The following PLCE1 variants were observed in gnomAD, a reference collection of about 807,000 sequenced individuals.
PLCE1 encodes phospholipase C epsilon 1.
Under a neutral mutation model 242.8 loss-of-function variants are expected in PLCE1, and 119 were observed. The ratio of observed to expected loss-of-function variants is 0.49; its 90% CI spans 0.42 to 0.57. The LOEUF (loss-of-function observed/expected upper bound fraction) is 0.57. PLCE1 is among the 20% of genes least tolerant of loss of function. The probability of loss-of-function intolerance (pLI) is 0.00; values close to 1 mark genes in which losing one functional copy is unlikely to be tolerated. For synonymous variants in PLCE1, 945 were observed against 1,017.4 expected, an observed-to-expected ratio of 0.93 and a Z score of 1.35; for missense variants, 2,441 against 2,788.8, an observed-to-expected ratio of 0.88 and a Z score of 2.81.
At position 94,171,304 on chromosome 10, in the gene PLCE1, G is replaced by C. The variant is rs751551290; in HGVS notation, c.1617G>C (p.Leu539=). 4 of 1,614,186 alleles carry C rather than the reference G, an allele frequency of 2.5e-6. No individual in the cohort carries two copies. The South Asian group carries it at 4.4e-5, about 18-fold the overall frequency. The part of the protein sequence containing the change: ...IQFPEEVASI[L]MEQEQTIYRR... ...TCCCAGAGGAAGTCGCCAGCATCCT[G>C]ATGGAGCAAGAGCAGACTATTTACC... The change falls in exon 4 of 33, where the codon CTG becomes CTC. Residue 539 remains leucine (L), a synonymous_variant. Transcript: ENST00000371380.
intron 2 of PLCE1, among the ~76,000 whole-genome samples, chr10:94,114,919 T>A (rs371593790): frequency 6.6e-6 from 1 of 151,426 alleles, no homozygotes; most frequent in Non-Finnish European, 1.5e-5. Context: ...CCTCCCCCCT[T>A]CCCCCATCCC....
intron 4 of PLCE1, among the ~76,000 whole-genome samples, chr10:94,171,771 A>C (rs966040961): frequency 3.3e-5 from 5 of 152,008 alleles, no homozygotes; most frequent in Admixed American, 2.0e-4. Flanking sequence ...GGGCACCCAG[A>C]ATGCCAATCT....
intron 2 of PLCE1, chr10:94,108,398 G>A (rs2045833629): frequency 6.6e-6 from 1 of 152,226 alleles, no homozygotes; most frequent in South Asian, 2.1e-4. Flanking sequence ...TGGGCTGTGA[G>A]TCAGAAGACA....
intron 3 of PLCE1, among the ~76,000 whole-genome samples, chr10:94,143,373 A>C (rs1300673303): frequency 6.6e-6 from 1 of 152,244 alleles, no homozygotes; most frequent in Non-Finnish European, 1.5e-5. Flanking sequence ...TGACTTACTC[A>C]TTACAATAAA....
At position 94,293,648 on chromosome 10, in the gene PLCE1, A is replaced by G; in HGVS notation, c.5167+9A>G. 1 of 1,613,074 alleles carries G rather than the reference A, an allele frequency of 6.2e-7. No homozygotes were observed. The highest frequency in any genetic ancestry group is 1.3e-5 in the African/African-American group (1 of 75,014). ...CAAAACATCTGGAAAAAGTAAAGTCACTTTCTTACAATATCTTTGCTTGAT... is the reference window on the plus strand; with the variant it reads ...CAAAACATCTGGAAAAAGTAAAGTCGCTTTCTTACAATATCTTTGCTTGAT... On this transcript the variant is annotated intron_variant, in intron 23 of 32. Coordinates refer to ENST00000371380, the MANE Select transcript of PLCE1 (RefSeq NM_016341.4).
At chr10:94,182,265 T>TGTTTA (rs1404169824) in intron 4 of PLCE1, among the ~76,000 whole-genome samples, 6 of 151,858 alleles carry the variant, frequency 4.0e-5, no homozygotes, top group African/African-American at 1.5e-4. Context: ...CTTCATTTCT[T>TGTTTA]TTTTATTTTA....
At chr10:94,117,828 GACA>G (rs753593657) in intron 2 of PLCE1, among the ~76,000 whole-genome samples, 6 of 152,184 alleles carry the variant, frequency 3.9e-5, no homozygotes, top group Non-Finnish European at 7.3e-5. Flanking sequence ...CAAAGTGAAG[GACA>G]ACATTATTTC....
At chr10:94,252,879 T>C (rs967392627) in intron 9 of PLCE1, among the ~76,000 whole-genome samples, 2 of 151,848 alleles carry the variant, frequency 1.3e-5, no homozygotes, top group Admixed American at 6.6e-5. Context: ...GCAAAGAACA[T>C]AGGAGAAAGT....
intron 4 of PLCE1, among the ~76,000 whole-genome samples, chr10:94,202,259 T>G (rs1440764338): frequency 6.6e-6 from 1 of 152,176 alleles, no homozygotes; most frequent in Admixed American, 6.5e-5. Flanking sequence ...CCCGTATTCC[T>G]TTTATCAACT....
intron 7 of PLCE1, among the ~76,000 whole-genome samples, 167 bp downstream of exon 7, chr10:94,236,287 C>G (rs2050321855): frequency 6.6e-6 from 1 of 152,068 alleles, no homozygotes; most frequent in South Asian, 2.1e-4. Flanking sequence ...TCCAAATTCA[C>G]ATTTACCTTT....
At chr10:94,211,965 A>G (rs1005599826) in intron 4 of PLCE1, among the ~76,000 whole-genome samples, 2 of 151,624 alleles carry the variant, frequency 1.3e-5, no homozygotes, top group African/African-American at 4.8e-5. Context: ...TGTTCCTTTG[A>G]AAAAAAAATT....
At chr10:94,225,491 G>A (rs2049908461) in intron 4 of PLCE1, 1 of 152,224 alleles carries the variant, frequency 6.6e-6, no homozygotes, top group African/African-American at 2.4e-5. Flanking sequence ...TGGCCAACAT[G>A]GTGAAACCCA....
chr10:94,049,103 G>A lies in PLCE1; in HGVS notation c.1206+16851G>A, dbSNP rs533029987. 2.0e-5 allele frequency among the ~76,000 whole-genome samples: 3 copies of A among 151,946 alleles called. No homozygotes were observed. In the South Asian group the frequency reaches 6.2e-4, roughly 32 times the overall value. On this transcript the variant is annotated intron_variant, in intron 2 of 32. Coordinates refer to ENST00000371380, the MANE Select transcript of PLCE1 (RefSeq NM_016341.4). ...TATTATCTTTTTTTGTTTGTGTATA[G>A]TGTTAATACTTTCTCCTATATTTTA...
chr10:94,159,575 A>G (rs2047543616), intron 3 of PLCE1, among the ~76,000 whole-genome samples: 1 of 152,222 alleles, frequency 6.6e-6, no homozygotes, highest in Non-Finnish European at 1.5e-5. Context: ...AGGAAAATGG[A>G]TAGAGTAGAT....
chr10:94,027,043 G>A (rs553192211), intron 1 of PLCE1, among the ~76,000 whole-genome samples: 9 of 152,124 alleles, frequency 5.9e-5, no homozygotes, highest in Non-Finnish European at 1.2e-4. Context: ...TTTTACCTGA[G>A]ATACCAGACC....
intron 32 of PLCE1, chr10:94,325,335 A>C (rs910242493): frequency 5.6e-5 from 24 of 431,166 alleles, no homozygotes; most frequent in Non-Finnish European, 9.9e-5. Context: ...GTGGTGGCGC[A>C]TGCCTGTAAT....
At chr10:94,098,600 G>C (rs2045402959) in intron 2 of PLCE1, among the ~76,000 whole-genome samples, 1 of 152,110 alleles carries the variant, frequency 6.6e-6, no homozygotes, top group Non-Finnish European at 1.5e-5. Context: ...ATCAGATGAG[G>C]TCCAAATATT....
chr10:94,262,861 GTT>G (rs11307441), intron 14 of PLCE1, 129 bp downstream of exon 14: 49 of 678,214 alleles, frequency 7.2e-5, no homozygotes, highest in East Asian at 1.1e-4. Flanking sequence ...ATACAGTTTT[GTT>G]TTTTTTTTTG....
chr10:93,999,998 G>T (rs563915356), intron 1 of PLCE1, among the ~76,000 whole-genome samples: 4 of 152,338 alleles, frequency 2.6e-5, no homozygotes, highest in African/African-American at 9.6e-5. Flanking sequence ...GAGTGATATT[G>T]GTTGGGAACA....
Sources: gnomAD v4.1 joint callset for allele counts (sites outside exome capture counted in the v4.1 genomes callset) on GRCh38, gnomAD v4.1.1 for gene constraint, MANE v1.5 for transcripts, NCBI Gene and HGNC (gene_info 2026-07-23, HGNC 2026-07-21) for gene names.